The following MPRIP variants were observed in gnomAD, a reference collection of about 807,000 sequenced individuals.
MPRIP encodes the protein myosin phosphatase Rho-interacting protein.
MPRIP carries 59 observed loss-of-function variants against 234.9 expected under a neutral mutation model. The observed-to-expected ratio is 0.25, with a 90% CI of 0.20 to 0.31. The LOEUF (loss-of-function observed/expected upper bound fraction) is 0.31. Among genes scored for constraint, MPRIP ranks in the 10% least tolerant of loss-of-function variants. The probability of loss-of-function intolerance (pLI) is 1.00; values close to 1 mark genes in which losing one functional copy is unlikely to be tolerated. For missense variants in MPRIP, 2,436 were observed against 3,071.0 expected (o/e 0.79, Z 4.89); for synonymous variants, 1,144 against 1,263.9 (o/e 0.91, Z 2.01).
chr17:17,066,062 A>G (rs2089015337), intron 1 of MPRIP, among the ~76,000 whole-genome samples: 1 of 152,212 alleles, frequency 6.6e-6, no homozygotes, highest in Admixed American at 6.5e-5. Context: ...GGGATTTTCT[A>G]TACAGACAGC....
intron 3 of MPRIP, among the ~76,000 whole-genome samples, chr17:17,111,548 G>A (rs1018530423): frequency 1.3e-5 from 2 of 152,222 alleles, no homozygotes; most frequent in African/African-American, 4.8e-5. Context: ...TGCTTCTGCT[G>A]AGGAGGGAGA....
At chr17:17,122,129 C>T (rs2090401003) in intron 3 of MPRIP, among the ~76,000 whole-genome samples, 1 of 152,080 alleles carries the variant, frequency 6.6e-6, no homozygotes, top group Non-Finnish European at 1.5e-5. Flanking sequence ...ATGCATGTGT[C>T]TTTATAATAG....
intron 3 of MPRIP, among the ~76,000 whole-genome samples, chr17:17,104,401 G>A (rs1175017874): frequency 6.6e-6 from 1 of 152,156 alleles, no homozygotes; most frequent in Non-Finnish European, 1.5e-5. Context: ...AGAATTCATT[G>A]TCCCCTTCCT....
Position 17,136,300 on chromosome 17 carries a change from G to A in MPRIP, c.586G>A (p.Val196Ile). Residue 196 changes from valine (V) to isoleucine (I), a missense_variant, in exon 6 of 24, where the codon GTC (valine) becomes ATC (isoleucine). Val to Ile is a conservative substitution (Grantham distance 29, BLOSUM62 3). Around this residue, in one of 4 missense-constraint regions of MPRIP, gnomAD observed 31 missense variants for 90.7 expected, o/e 0.34. Transcript: ENST00000651222. ...CAGCAGCATCCCCAGTGCTGAGAAA[G>A]TCCCCACCACCAAGTCCACACTCTG... ...SSSSIPSAEK[V>I]PTTKSTLWQE... 6.2e-7 allele frequency: 1 copy of A among 1,613,652 alleles called. No homozygotes were observed. The highest frequency in any genetic ancestry group is 8.5e-7 in the Non-Finnish European group (1 of 1,179,838).
Position 17,148,990 on chromosome 17 carries a change from A to G in MPRIP, c.1630-1154A>G, listed in dbSNP as rs561638002. On this transcript the variant is annotated intron_variant, in intron 11 of 23. Transcript: ENST00000651222. ...AGCAAAGGCGATATTTTAATATTAC[A>G]TAATGAAATGTGTAGACAATTGGAA... is the stretch of plus-strand genomic sequence containing the variant. 2.4e-4 allele frequency among the ~76,000 whole-genome samples: 36 copies of G among 152,346 alleles called. No individual in the cohort carries two copies. The South Asian group carries it at 5.6e-3, about 24-fold the overall frequency.
intron 1 of MPRIP, among the ~76,000 whole-genome samples, chr17:17,068,067 C>T (rs1307427694): frequency 2.6e-5 from 4 of 151,894 alleles, no homozygotes; most frequent in African/African-American, 9.7e-5. Context: ...ATCTGTGATG[C>T]TATCCCTGTT....
chr17:17,092,809 C>G (rs1329794443), intron 3 of MPRIP, among the ~76,000 whole-genome samples: 1 of 152,182 alleles, frequency 6.6e-6, no homozygotes, highest in African/African-American at 2.4e-5. Flanking sequence ...CAAAGGACAT[C>G]CAACTTGTGT....
rs1352735354 is a variant in MPRIP at position 17,146,042 on chromosome 17, C to G, written c.1510C>G (p.Leu504Val). The change falls in exon 10 of 24, where the codon CTG (leucine) becomes GTG (valine). Residue 504 changes from leucine (L) to valine (V), a missense_variant. Transcript: ENST00000651222. ...TTTTTTCTCCCTTTCTCAGCCCGACCTGCTGAATTTCAAGAAAGGCTGGCT... is the reference window on the plus strand; with the variant it reads ...TTTTTTCTCCCTTTCTCAGCCCGACGTGCTGAATTTCAAGAAAGGCTGGCT... ...RSTEPSVTPD[L>V]LNFKKGWLTK... is the part of the protein sequence containing the mutation. 2.5e-6 allele frequency: 4 copies of G among 1,613,938 alleles called. No individual in the cohort carries two copies. The highest frequency in any genetic ancestry group is 3.4e-6 in the Non-Finnish European group (4 of 1,179,972).
chr17:17,164,982 C>T lies in MPRIP; in HGVS notation c.3391C>T (p.Leu1131Phe), dbSNP rs539406745. 5 of 1,302,646 alleles carry T rather than the reference C, an allele frequency of 3.8e-6. No homozygotes were observed. Among genetic ancestry groups the T allele is most frequent in the East Asian group, 5.5e-5 (1 of 18,026 alleles). The allele number at this position is 1,302,646 out of a possible 1,614,324, so 80.7% of individuals were successfully genotyped here. The change falls in exon 16 of 24, where the codon CTC becomes TTC. Residue 1131 changes from leucine to phenylalanine, a missense_variant. By Grantham distance (22) the Leu-to-Phe change is conservative. Around this residue, in one of 4 missense-constraint regions of MPRIP, gnomAD observed 1,998 missense variants for 2,520.3 expected, o/e 0.79. Transcript: ENST00000651222. ...CACGTCCGACGAGGATGTGGCTGAGCTCCGGGAAAAGCTGAGGAGAAGAGA... is the reference window on the plus strand; with the variant it reads ...CACGTCCGACGAGGATGTGGCTGAGTTCCGGGAAAAGCTGAGGAGAAGAGA... ...VATSDEDVAE[L>F]REKLRRREAD...
At chr17:17,121,077 T>C (rs760678338) in intron 3 of MPRIP, among the ~76,000 whole-genome samples, 7 of 152,218 alleles carry the variant, frequency 4.6e-5, no homozygotes, top group South Asian at 2.1e-4. Flanking sequence ...AATCCTGACA[T>C]GGCTACTTCC....
At chr17:17,122,765 C>T (rs2090416860) in intron 3 of MPRIP, among the ~76,000 whole-genome samples, 1 of 152,236 alleles carries the variant, frequency 6.6e-6, no homozygotes, top group African/African-American at 2.4e-5. Context: ...CAAACCCTCA[C>T]GCAGTGCTAG....
Position 17,154,317 on chromosome 17 carries a change from C to T in MPRIP, c.1731C>T (p.Gly577=), listed in dbSNP as rs367730915. 3.2e-5 allele frequency: 51 copies of T among 1,614,002 alleles called. No individual in the cohort carries two copies. Among genetic ancestry groups the T allele is most frequent in the East Asian group, 2.2e-4 (10 of 44,886 alleles). The change falls in exon 13 of 24, where the codon GGC becomes GGT. Residue 577 remains glycine, a synonymous_variant. Transcript: ENST00000651222. Reference sequence around the variant, plus strand: ...TCTTTTCTCTGTAGACAAAGGAGGGCGAGTTTACCCTGTCGGCCATGACAT... The same window carrying T: ...TCTTTTCTCTGTAGACAAAGGAGGGTGAGTTTACCCTGTCGGCCATGACAT... ...NYGFQIHTKE[G]EFTLSAMTSG...
At chr17:17,051,288 A>T (rs977075464) in intron 1 of MPRIP, among the ~76,000 whole-genome samples, 1 of 152,172 alleles carries the variant, frequency 6.6e-6, no homozygotes, top group Non-Finnish European at 1.5e-5. Flanking sequence ...AAAGAGGGAG[A>T]GAGTGTGGCA....
At chr17:17,065,802 C>G (rs757084630) in intron 1 of MPRIP, among the ~76,000 whole-genome samples, 1 of 152,158 alleles carries the variant, frequency 6.6e-6, no homozygotes, top group Non-Finnish European at 1.5e-5. Flanking sequence ...CATTATGTCT[C>G]TCTTATTTAG....
chr17:17,128,760 G>A (rs937661483), intron 4 of MPRIP, among the ~76,000 whole-genome samples: 19 of 152,300 alleles, frequency 1.2e-4, no homozygotes, highest in Middle Eastern at 3.4e-3. Flanking sequence ...GCTCAGCTGC[G>A]TGAGGGAGTC....
Position 17,042,689 on chromosome 17 carries a change from C to G in MPRIP, c.-160C>G, listed in dbSNP as rs1156359954. The G allele has an allele frequency of 2.6e-6, 2 of 768,646 alleles. No homozygotes were observed. Among genetic ancestry groups the G allele is most frequent in the Non-Finnish European group, 3.1e-6 (2 of 635,380 alleles). The allele number at this position is 768,646 out of a possible 1,614,324, so 47.6% of individuals were successfully genotyped here. ...GGCCCGGGCGGCTCAGGAGCCTCGG[C>G]GCGTGCAGCGAACCGCCCGCCGGGA... On this transcript the variant is annotated 5_prime_UTR_variant, in exon 1 of 24. Coordinates refer to ENST00000651222, the MANE Select transcript of MPRIP (RefSeq NM_001364716.4).
intron 5 of MPRIP, among the ~76,000 whole-genome samples, chr17:17,132,832 G>T (rs1014153809): frequency 6.6e-6 from 1 of 152,224 alleles, no homozygotes; most frequent in Non-Finnish European, 1.5e-5. Flanking sequence ...ATACAGAGTG[G>T]TTCCTGGGAC....
In MPRIP at chr17:17,165,013, A is replaced by T; in HGVS notation, c.3422A>T (p.Asp1141Val). Residue 1141 changes from aspartate to valine, a missense_variant, in exon 16 of 24, where the codon GAC becomes GTC. By Grantham distance (152) the Asp-to-Val change is radical (BLOSUM62 -3). This residue lies in a region of MPRIP where 1,998 missense variants were observed against 2,520.3 expected (regional missense o/e 0.79). Transcript: ENST00000651222. ...GAAAAGCTGAGGAGAAGAGAGGCTG[A>T]CAACCAGAGCCTGGAGCACTCCTAC... Reference protein sequence around the residue: ...LREKLRRREADNQSLEHSYQR... With the variant: ...LREKLRRREAVNQSLEHSYQR... 7.7e-7 allele frequency: 1 copy of T among 1,301,840 alleles called. No individual in the cohort carries two copies. The allele number at this position is 1,301,840 out of a possible 1,614,324, so 80.6% of individuals were successfully genotyped here.
chr17:17,068,192 C>G (rs1478444815), intron 1 of MPRIP, among the ~76,000 whole-genome samples: 3 of 151,866 alleles, frequency 2.0e-5, no homozygotes, highest in Non-Finnish European at 4.4e-5. Context: ...CTCTTGTTGC[C>G]CAGGCTGGAA....
Sources: gnomAD v4.1 joint callset for allele counts (sites outside exome capture counted in the v4.1 genomes callset) on GRCh38, gnomAD v4.1.1 for gene constraint, gnomAD v4.1.1 regional missense constraint, MANE v1.5 for transcripts, NCBI Gene and HGNC (gene_info 2026-07-23, HGNC 2026-07-21) for gene names.